Variants in HOXA3 observed in about 807,000 individuals in gnomAD.
HOXA3 encodes the protein homeobox protein Hox-A3.
A neutral mutation model predicts 30.3 loss-of-function variants in HOXA3; 8 were observed. The observed-to-expected ratio is 0.26, with a 90% CI of 0.15 to 0.48. The LOEUF (loss-of-function observed/expected upper bound fraction) is 0.48. HOXA3 is among the 20% of genes least tolerant of loss of function. HOXA3 has a pLI of 0.99. For missense variants in HOXA3, 653 were observed against 614.4 expected (o/e 1.06, Z -0.66); for synonymous variants, 323 against 273.1 (o/e 1.18, Z -1.80).
chr7:27,148,574 C>G (rs1051524761), intron 1 of HOXA3, among the ~76,000 whole-genome samples: 2 of 152,232 alleles, frequency 1.3e-5, no homozygotes, highest in African/African-American at 4.8e-5. Flanking sequence ...CTCAATGGCC[C>G]GCGCCTGCCT....
Position 27,107,852 on chromosome 7 carries a change from A to T in HOXA3, c.*63T>A. 6 of 985,590 alleles carry T rather than the reference A, an allele frequency of 6.1e-6. No individual in the cohort carries two copies. The highest frequency in any genetic ancestry group is 7.0e-6 in the Non-Finnish European group (5 of 714,378). 61.1% of individuals were successfully genotyped at this position (985,590 alleles called of 1,614,324 possible). On this transcript the variant is annotated 3_prime_UTR_variant, in exon 6 of 6. Transcript: ENST00000612286. Reference sequence around the variant, plus strand: ...GAACCTAAAAAAAAAAAAAAAAAAAAGCAACCAAAGAAAAAAGGTGGGTGG... The same window carrying T: ...GAACCTAAAAAAAAAAAAAAAAAAATGCAACCAAAGAAAAAAGGTGGGTGG...
Position 27,107,914 on chromosome 7 carries a change from A to G in HOXA3, c.*1T>C. On this transcript the variant is annotated 3_prime_UTR_variant, in exon 6 of 6. Coordinates refer to ENST00000612286, the MANE Select transcript of HOXA3 (RefSeq NM_153631.3). ...CCTGGCGCGTAGCCCCAAGCCCACT[A>G]TCACAGGTGGGTGAGCTTGGGTGCT... is the stretch of plus-strand genomic sequence containing the variant. 2 of 1,562,638 alleles carry G rather than the reference A, an allele frequency of 1.3e-6. No homozygotes were observed. Among genetic ancestry groups the G allele is most frequent in the African/African-American group, 1.4e-5 (1 of 73,200 alleles).
chr7:27,114,878 T>TTATATATATAATATATATA (rs1784625218), intron 4 of HOXA3, among the ~76,000 whole-genome samples: 1 of 118,354 alleles, frequency 8.4e-6, no homozygotes, highest in Non-Finnish European at 1.7e-5. Context: ...ATATTATATA[T>TTATATATATAATATATATA]ATGTATATAC....
chr7:27,110,511 C>G lies in HOXA3; in HGVS notation c.130G>C (p.Glu44Gln), dbSNP rs905445520. The part of the protein sequence containing the change: ...PASAALGADG[E>Q]YHRPACSLQS... ...AGGGAGCAGGCGGGTCGGTGGTACT[C>G]GCCGTCGGCGCCCAAAGCGGCGGAC... Residue 44 changes from glutamate to glutamine, a missense_variant, in exon 5 of 6, where the codon GAG becomes CAG. Around this residue, in one of 3 missense-constraint regions of HOXA3, gnomAD observed 320 missense variants for 321.9 expected, o/e 0.99. Transcript: ENST00000612286. 2 of 1,605,504 alleles carry G rather than the reference C, an allele frequency of 1.2e-6. No homozygotes were observed. Among genetic ancestry groups the G allele is most frequent in the African/African-American group, 2.7e-5 (2 of 74,770 alleles).
chr7:27,109,190 C>A (rs575976288), intron 5 of HOXA3, among the ~76,000 whole-genome samples: 3 of 152,190 alleles, frequency 2.0e-5, no homozygotes, highest in Non-Finnish European at 4.4e-5. Context: ...TTTCTCTCTA[C>A]CCAGAGGAGA....
intron 1 of HOXA3, chr7:27,145,692 C>G (rs918176154): frequency 6.2e-7 from 1 of 1,614,056 alleles, no homozygotes; most frequent in Non-Finnish European, 8.5e-7. Flanking sequence ...GTCCTCCCCG[C>G]TGGGCTGCGT....
At chr7:27,147,820 C>A in intron 1 of HOXA3, 2 of 1,365,286 alleles carry the variant, frequency 1.5e-6, no homozygotes, top group East Asian at 2.4e-5. Flanking sequence ...TAGTAGTCAT[C>A]GAACTGGTTT....
chr7:27,150,037 TAAG>T (rs1782915552), intron 1 of HOXA3: 1 of 152,242 alleles, frequency 6.6e-6, no homozygotes, highest in African/African-American at 2.4e-5. Context: ...ATTTCTCAGC[TAAG>T]AACCAGAAAA....
chr7:27,132,548 G>A (rs17471485), intron 2 of HOXA3, among the ~76,000 whole-genome samples: 4,734 of 152,252 alleles, frequency 0.031, 266 homozygotes, highest in East Asian at 0.14. Flanking sequence ...GATTTTCCAC[G>A]TTAGGTGTAT....
intron 4 of HOXA3, among the ~76,000 whole-genome samples, chr7:27,114,867 T>C (rs1475296387): frequency 1.8e-5 from 2 of 113,746 alleles, no homozygotes; most frequent in Non-Finnish European, 1.8e-5. Context: ...ATATATAATA[T>C]ATATTATATA....
In HOXA3 at chr7:27,152,480, G is replaced by GGCCTA; in HGVS notation, c.-687_-686insTAGGC. 1 of 1,168,698 alleles carries GGCCTA rather than the reference G, an allele frequency of 8.6e-7. No homozygotes were observed. Among genetic ancestry groups the GGCCTA allele is most frequent in the Non-Finnish European group, 1.1e-6 (1 of 931,804 alleles). 72.4% of individuals were successfully genotyped at this position (1,168,698 alleles called of 1,614,324 possible). A position where few individuals can be genotyped will look rare whatever the true frequency, so the allele number is the denominator to read the frequency against. On this transcript the variant is annotated 5_prime_UTR_variant, in exon 1 of 6. The change abolishes the stop of an existing upstream ORF in the 5' untranslated region. Coordinates refer to ENST00000612286, the MANE Select transcript of HOXA3 (RefSeq NM_153631.3). ...CAGCGGGAGCCGCCAGGCCTGGCCT[G>GGCCTA]GCCGGGGCTTCCCTTCGCTCGCCAT...
At chr7:27,125,254 G>T (rs7796475) in intron 3 of HOXA3, among the ~76,000 whole-genome samples, 134 of 152,282 alleles carry the variant, frequency 8.8e-4, no homozygotes, top group African/African-American at 3.1e-3. Context: ...GGATCATTCG[G>T]CTGCCTCAGT....
chr7:27,123,378 GCCA>G (rs1785134579), intron 3 of HOXA3: 1 of 152,380 alleles, frequency 6.6e-6, no homozygotes, highest in Non-Finnish European at 1.5e-5. Flanking sequence ...TTGCGCAACG[GCCA>G]CAAGCCGATC....
At chr7:27,110,825 A>T (rs1423088551) in intron 4 of HOXA3, 65 bp from the exon 5 acceptor site, 1 of 778,504 alleles carries the variant, frequency 1.3e-6, no homozygotes, top group East Asian at 2.8e-5. Context: ...CTCAATAGCT[A>T]AGTGACATGA....
rs201665365 is a variant in HOXA3, at chr7:27,108,725, G to A, written c.527-5C>T. ...TGTCGCCAGCGCAGCTTTCGCCTGC[G>A]AGGACAGAGAGAGGAAGAGCGGCGT... On this transcript the variant is annotated splice_region_variant and splice_polypyrimidine_tract_variant and intron_variant, in intron 5 of 5. Transcript: ENST00000612286. The surrounding 1 kb of genome is among the most constrained non-coding windows in gnomAD (Gnocchi z 5.0). 1.8e-3 allele frequency: 2,856 copies of A among 1,585,340 alleles called. 5 individuals are homozygous for A. Among genetic ancestry groups the A allele is most frequent in the Non-Finnish European group, 2.3e-3 (2,624 of 1,163,816 alleles).
Position 27,130,614 on chromosome 7 carries a change from G to C in HOXA3, c.-389-3544C>G, listed in dbSNP as rs764713876. The C allele has an allele frequency of 1.9e-6, 3 of 1,550,292 alleles. No homozygotes were observed. In the South Asian group the frequency reaches 3.5e-5, roughly 18 times the overall value. ...GGGGCGCTGGGGGCTGCTGGTAGCC[G>C]GGGCCCCCGCCCGGGCCGCCGTCTG... On this transcript the variant is annotated intron_variant, in intron 2 of 5. Coordinates refer to ENST00000612286, the MANE Select transcript of HOXA3 (RefSeq NM_153631.3).
At chr7:27,141,855 C>T in intron 1 of HOXA3, 1 of 1,614,048 alleles carries the variant, frequency 6.2e-7, no homozygotes, top group East Asian at 2.2e-5. Context: ...AAGGCCCCTC[C>T]TGCCGCGGCC....
In HOXA3 at chr7:27,146,250, T is replaced by TG. The variant is rs1428474749; in HGVS notation, c.-494+6037_-494+6038insC. 3.6e-4 allele frequency among the ~76,000 whole-genome samples: 32 copies of TG among 88,304 alleles called. No homozygotes were observed. In the East Asian group the frequency reaches 3.8e-3, roughly 11 times the overall value. The allele number at this position is 88,304 out of a possible 152,430, so 57.9% of individuals were successfully genotyped here. A position where few individuals can be genotyped will look rare whatever the true frequency, so the allele number is the denominator to read the frequency against. ...TGGGGATGCAGGGTGTGTGTGTGTG[T>TG]TTGTGTGTGTGTGTGTGTGTGTGTC... On this transcript the variant is annotated intron_variant, in intron 1 of 5. Transcript: ENST00000612286.
intron 2 of HOXA3, among the ~76,000 whole-genome samples, chr7:27,136,646 C>T (rs535910288): frequency 6.6e-6 from 1 of 152,278 alleles, no homozygotes; most frequent in Admixed American, 6.5e-5. Context: ...GTGAACTGCG[C>T]GGGCGTCATT....
Sources: gnomAD v4.1 joint callset for allele counts (sites outside exome capture counted in the v4.1 genomes callset) on GRCh38, gnomAD v4.1.1 for gene constraint, gnomAD v4.1.1 regional missense constraint, Gnocchi (gnomAD v3.1) non-coding constraint, MANE v1.5 for transcripts, NCBI Gene and HGNC (gene_info 2026-07-23, HGNC 2026-07-21) for gene names.